The following PURG variants were observed in gnomAD, a reference collection of about 807,000 sequenced individuals.
PURG encodes purine-rich element-binding protein gamma.
Under a neutral mutation model 24.3 loss-of-function variants are expected in PURG, and 3 were observed. That is an observed-to-expected ratio of 0.12 (90% CI 0.06 to 0.32). The LOEUF (loss-of-function observed/expected upper bound fraction) is 0.32, where lower values mean the gene tolerates loss of function less well. PURG is among the 10% of genes least tolerant of loss of function. The pLI is 1.00. For synonymous variants in PURG, 180 were observed against 173.1 expected (o/e 1.04, Z -0.31); for missense variants, 371 against 439.1 (o/e 0.84, Z 1.39).
chr8:31,032,300 C>A lies in PURG; in HGVS notation c.483G>T (p.Val161=). ...CACTGTGAGGATGCTCTTCGGACCC[C>A]ACCGAGACTGGTGGGGAGGGTGCCG... ...KHSAPSPPVS[V]GSEEHPHSVL... The change falls in exon 2 of 2, where the codon GTG becomes GTT. Residue 161 remains valine (V), a synonymous_variant. Transcript: ENST00000523392. The surrounding 1 kb of genome is among the most constrained non-coding windows in gnomAD (Gnocchi z 5.9). 1 of 1,612,886 alleles carries A rather than the reference C, an allele frequency of 6.2e-7. No homozygotes were observed. Among genetic ancestry groups the A allele is most frequent in the East Asian group, 2.2e-5 (1 of 44,872 alleles).
chr8:31,015,115 A>G (rs1236057991), intron 1 of PURG, among the ~76,000 whole-genome samples: 4 of 152,232 alleles, frequency 2.6e-5, no homozygotes, highest in African/African-American at 9.6e-5. Flanking sequence ...GCTTATTTTA[A>G]AGAAAAGGTT....
intron 1 of PURG, among the ~76,000 whole-genome samples, chr8:31,015,342 A>G (rs1002889170): frequency 6.6e-6 from 1 of 152,274 alleles, no homozygotes; most frequent in South Asian, 2.1e-4. Context: ...TTTAACCACA[A>G]TTGAAAACAA....
At chr8:30,997,590 C>T (rs1351159393) in intron 1 of PURG, among the ~76,000 whole-genome samples, 8 of 151,252 alleles carry the variant, frequency 5.3e-5, no homozygotes, top group Admixed American at 6.6e-5. Context: ...GAAAAATGGC[C>T]ACCACAGAGA....
intron 1 of PURG, among the ~76,000 whole-genome samples, chr8:31,025,381 T>C (rs1361165964): frequency 6.6e-6 from 1 of 151,962 alleles, no homozygotes; most frequent in Non-Finnish European, 1.5e-5. Flanking sequence ...AAGAGGATCT[T>C]ATCTTTTAAC....
intron 1 of PURG, among the ~76,000 whole-genome samples, chr8:31,000,435 G>T (rs1810514929): frequency 6.6e-6 from 1 of 152,052 alleles, no homozygotes. Flanking sequence ...GAATATTTTT[G>T]TTGTTTCTGA....
intron 1 of PURG, among the ~76,000 whole-genome samples, chr8:30,998,033 TTA>T: frequency 6.6e-6 from 1 of 151,930 alleles, no homozygotes; most frequent in South Asian, 2.1e-4. Flanking sequence ...GGCTTAATAA[TTA>T]TGATTGCCTT....
chr8:31,023,974 A>G (rs1442142224), intron 1 of PURG, among the ~76,000 whole-genome samples: 3 of 152,250 alleles, frequency 2.0e-5, no homozygotes, highest in Non-Finnish European at 4.4e-5. Context: ...TGATTACAGA[A>G]TATGCAGAAA....
chr8:31,006,009 C>T (rs890596509), intron 1 of PURG, among the ~76,000 whole-genome samples: 20 of 152,086 alleles, frequency 1.3e-4, no homozygotes, highest in African/African-American at 4.6e-4. Context: ...CAAGTGTATA[C>T]ATGGTCTATC....
exon 2 of PURG, chr8:30,995,914 C>A (rs1432511651): frequency 6.6e-6 from 1 of 151,962 alleles, no homozygotes; most frequent in Non-Finnish European, 1.5e-5. Flanking sequence ...AAACTTCAAG[C>A]TTTGTTCAGC....
Position 31,032,201 on chromosome 8 carries a change from G to A in PURG, c.582C>T (p.Arg194=). The A allele has an allele frequency of 6.2e-7, 1 of 1,614,208 alleles. No homozygotes were observed. The highest frequency in any genetic ancestry group is 8.5e-7 in the Non-Finnish European group (1 of 1,180,024). ...YLDLKENQRG[R]FLRIRQTMMR... is the part of the protein sequence containing the mutation. ...TCATGGTTTGTCTAATCCGTAGGAAGCGACCCCGCTGATTTTCCTTTAGGT... is the reference window on the plus strand; with the variant it reads ...TCATGGTTTGTCTAATCCGTAGGAAACGACCCCGCTGATTTTCCTTTAGGT... The change falls in exon 2 of 2, where the codon CGC becomes CGT. Residue 194 remains arginine (R), a synonymous_variant. Transcript: ENST00000523392. The surrounding 1 kb of genome is among the most constrained non-coding windows in gnomAD (Gnocchi z 5.9).
rs539584884 is a variant in PURG at position 31,019,778 on chromosome 8, G to A, written c.864+12141C>T. Reference sequence around the variant, plus strand: ...GAACACCTGACCTTGTGATCCACCCGCCTCGGCCTCCCAAAGTGCTGGGAG... The same window carrying A: ...GAACACCTGACCTTGTGATCCACCCACCTCGGCCTCCCAAAGTGCTGGGAG... On this transcript the variant is annotated intron_variant, in intron 1 of 1. Coordinates refer to the PURG transcript ENST00000339382. 1.9e-3 allele frequency among the ~76,000 whole-genome samples: 289 copies of A among 148,332 alleles called. 1 individual carries two copies. The highest frequency in any genetic ancestry group is 3.4e-3 in the Non-Finnish European group (230 of 67,210).
At position 31,031,948 on chromosome 8, in the gene PURG, C is replaced by A; in HGVS notation, c.835G>T (p.Gly279Cys). The part of the protein sequence containing the change: ...VDNKRFYFDV[G>C]SNKYGIFLKV... ...AGGAAAATTCCATATTTATTAGAGC[C>A]CACATCAAAGTAGAACCTTTTATTG... The change falls in exon 2 of 2, where the codon GGC (glycine) becomes TGC (cysteine). Residue 279 changes from glycine (G) to cysteine (C), a missense_variant. Transcript: ENST00000523392. 2 of 1,614,148 alleles carry A rather than the reference C, an allele frequency of 1.2e-6. No individual in the cohort carries two copies. The highest frequency in any genetic ancestry group is 1.7e-6 in the Non-Finnish European group (2 of 1,180,030).
chr8:30,997,706 T>C (rs573831196), intron 1 of PURG, among the ~76,000 whole-genome samples: 8 of 151,924 alleles, frequency 5.3e-5, no homozygotes, highest in Non-Finnish European at 8.9e-5. Context: ...AATAATTTTC[T>C]GTTGAAAAAA....
At chr8:31,026,910 T>C (rs916562758), downstream of PURG, among the ~76,000 whole-genome samples, 6 of 151,662 alleles carry the variant, frequency 4.0e-5, no homozygotes, top group African/African-American at 1.2e-4. Context: ...TATATACTTA[T>C]ATTATTTTTC....
At chr8:31,004,969 T>C (rs1400971474) in intron 1 of PURG, among the ~76,000 whole-genome samples, 1 of 152,206 alleles carries the variant, frequency 6.6e-6, no homozygotes, top group Admixed American at 6.5e-5. Flanking sequence ...TTTGCTGCCA[T>C]GATTTTAATA....
At chr8:31,012,462 A>G (rs1481261673) in intron 1 of PURG, among the ~76,000 whole-genome samples, 2 of 152,258 alleles carry the variant, frequency 1.3e-5, no homozygotes, top group African/African-American at 2.4e-5. Context: ...AGCATACTGC[A>G]ACACTGTAAA....
intron 1 of PURG, among the ~76,000 whole-genome samples, chr8:31,005,631 T>C (rs998178416): frequency 1.3e-5 from 2 of 152,108 alleles, no homozygotes; most frequent in African/African-American, 4.8e-5. Flanking sequence ...TGTCTTCATA[T>C]TCATCAAATC....
intron 1 of PURG, among the ~76,000 whole-genome samples, chr8:31,009,339 G>A (rs532439654): frequency 5.3e-5 from 8 of 152,172 alleles, no homozygotes; most frequent in Admixed American, 4.6e-4. Flanking sequence ...GGTGGGAGAA[G>A]TACTTGAACC....
At chr8:31,009,286 C>T (rs560665579) in intron 1 of PURG, among the ~76,000 whole-genome samples, 32 of 152,176 alleles carry the variant, frequency 2.1e-4, no homozygotes, top group African/African-American at 5.8e-4. Context: ...ATTAGCTGGG[C>T]GTGGTGACAT....
Sources: gnomAD v4.1 joint callset for allele counts (sites outside exome capture counted in the v4.1 genomes callset) on GRCh38, gnomAD v4.1.1 for gene constraint, Gnocchi (gnomAD v3.1) non-coding constraint, MANE v1.5 for transcripts, NCBI Gene and HGNC (gene_info 2026-07-23, HGNC 2026-07-21) for gene names.